RYR2: variants seen among roughly 807,000 people sequenced by gnomAD.
The protein encoded by RYR2 is ryanodine receptor 2.
Under a neutral mutation model 601.1 loss-of-function variants are expected in RYR2, and 227 were observed. The observed-to-expected ratio is 0.38, with a 90% CI of 0.34 to 0.42. The LOEUF (loss-of-function observed/expected upper bound fraction) is 0.42. RYR2 is among the 10% of genes least tolerant of loss of function. The pLI is 1.00. For synonymous variants in RYR2, 2,223 were observed against 2,175.1 expected, an observed-to-expected ratio of 1.02 and a Z score of -0.61; for missense variants, 4,646 against 6,156.5, an observed-to-expected ratio of 0.75 and a Z score of 8.21.
At chr1:237,586,497 A>C (rs958271924) in intron 29 of RYR2, among the ~76,000 whole-genome samples, 2 of 152,210 alleles carry the variant, frequency 1.3e-5, no homozygotes, top group African/African-American at 4.8e-5. Flanking sequence ...TAACTTGCCA[A>C]AGATCAAATA....
At chr1:237,799,234 G>C (rs1480093674) in intron 97 of RYR2, among the ~76,000 whole-genome samples, 1 of 152,146 alleles carries the variant, frequency 6.6e-6, no homozygotes, top group Admixed American at 6.5e-5. Flanking sequence ...CCTGTAAAAT[G>C]AAACACCGAT....
intron 29 of RYR2, among the ~76,000 whole-genome samples, chr1:237,580,061 C>T (rs954562744): frequency 2.0e-5 from 3 of 151,848 alleles, no homozygotes; most frequent in Admixed American, 6.6e-5. Context: ...AGAACTTAGG[C>T]GCTATGGGCT....
At chr1:237,532,354 A>G (rs188583701) in intron 25 of RYR2, among the ~76,000 whole-genome samples, 4 of 152,254 alleles carry the variant, frequency 2.6e-5, no homozygotes, top group South Asian at 2.1e-4. Context: ...TAAAAAGATC[A>G]TTGAGTTAAG....
intron 37 of RYR2, among the ~76,000 whole-genome samples, chr1:237,616,597 A>C (rs1021243321): frequency 6.6e-6 from 1 of 152,112 alleles, no homozygotes; most frequent in Admixed American, 6.6e-5. Flanking sequence ...AAAGAAGGGA[A>C]CTCTAGTCTC....
At chr1:237,263,702 C>G (rs1430965639) in intron 1 of RYR2, among the ~76,000 whole-genome samples, 3 of 152,072 alleles carry the variant, frequency 2.0e-5, no homozygotes, top group Admixed American at 2.0e-4. Context: ...TAAATACCAC[C>G]CCCTTGCTGG....
At chr1:237,487,876 C>T (rs1019071213) in intron 17 of RYR2, among the ~76,000 whole-genome samples, 1 of 151,672 alleles carries the variant, frequency 6.6e-6, no homozygotes, top group African/African-American at 2.4e-5. Context: ...GAATTAGAAG[C>T]TGTCAATGTT....
chr1:237,184,732 A>G (rs1268863364), intron 1 of RYR2, among the ~76,000 whole-genome samples: 1 of 152,200 alleles, frequency 6.6e-6, no homozygotes, highest in African/African-American at 2.4e-5. Flanking sequence ...ATCAGATGAT[A>G]ATGCTTATAT....
At chr1:237,247,659 A>G (rs1018666242) in intron 1 of RYR2, among the ~76,000 whole-genome samples, 30 of 152,208 alleles carry the variant, frequency 2.0e-4, no homozygotes, top group African/African-American at 7.0e-4. Context: ...CACCATGGGA[A>G]GAACACACAA....
intron 29 of RYR2, among the ~76,000 whole-genome samples, chr1:237,582,285 T>G (rs1674001784): frequency 1.3e-5 from 2 of 151,360 alleles, no homozygotes; most frequent in Non-Finnish European, 1.5e-5. Flanking sequence ...TTTTTTTGTA[T>G]TTTTAGTAGA....
At chr1:237,723,639 ATTATC>A (rs1016991043) in intron 74 of RYR2, among the ~76,000 whole-genome samples, 5 of 152,068 alleles carry the variant, frequency 3.3e-5, no homozygotes, top group African/African-American at 9.7e-5. Context: ...TGTTTGAGAT[ATTATC>A]TTTTACCGGT....
chr1:237,577,538 G>GTGTA (rs1673389978), intron 29 of RYR2, among the ~76,000 whole-genome samples: 1 of 37,028 alleles, frequency 2.7e-5, no homozygotes, highest in Non-Finnish European at 6.8e-5. Flanking sequence ...GTGTGTGTGC[G>GTGTA]TGTGTGTGTG....
chr1:237,094,221 C>T (rs999892910), intron 1 of RYR2, among the ~76,000 whole-genome samples: 2 of 152,310 alleles, frequency 1.3e-5, no homozygotes, highest in South Asian at 2.1e-4. Flanking sequence ...AGGGGAAGCT[C>T]GCTATATGTA....
chr1:237,450,231 G>A (rs988717850), intron 14 of RYR2, among the ~76,000 whole-genome samples: 1 of 152,022 alleles, frequency 6.6e-6, no homozygotes, highest in East Asian at 1.9e-4. Context: ...ATTTGAGGGG[G>A]ACCTTCTGTA....
At chr1:237,762,895 C>T (rs1228949244) in intron 84 of RYR2, among the ~76,000 whole-genome samples, 1 of 152,194 alleles carries the variant, frequency 6.6e-6, no homozygotes, top group Non-Finnish European at 1.5e-5. Flanking sequence ...CTTCCTCAGT[C>T]ATCACTCATG....
intron 14 of RYR2, among the ~76,000 whole-genome samples, chr1:237,449,756 A>C (rs889450203): frequency 7.5e-5 from 8 of 106,314 alleles, no homozygotes; most frequent in African/African-American, 2.2e-4. Flanking sequence ...CTAGATTGAC[A>C]AGTTTTTTTT....
At position 237,443,649 on chromosome 1, in the gene RYR2, A is replaced by G. The variant is rs558677620; in HGVS notation, c.1171-1752A>G. Among the ~76,000 whole-genome samples the G allele has an allele frequency of 2.6e-5, 4 of 152,256 alleles. No homozygotes were observed. The East Asian group carries it at 7.7e-4, about 29-fold the overall frequency. ...ACATGTATATTTACGGGGGAAGTTA[A>G]TTTCTCTTTATGGACATTGAATTTT... On this transcript the variant is annotated intron_variant, in intron 13 of 104. Coordinates refer to ENST00000366574, the MANE Select transcript of RYR2 (RefSeq NM_001035.3).
intron 1 of RYR2, among the ~76,000 whole-genome samples, chr1:237,203,405 G>A (rs185355231): frequency 1.3e-5 from 2 of 152,146 alleles, no homozygotes; most frequent in Non-Finnish European, 2.9e-5. Flanking sequence ...GAGGAAATGA[G>A]TATTTTCATA....
intron 60 of RYR2, 144 bp downstream of exon 60, chr1:237,674,990 A>G (rs780177016): frequency 5.1e-5 from 22 of 431,264 alleles, no homozygotes; most frequent in Non-Finnish European, 8.3e-5. Flanking sequence ...GTAGAGTTCA[A>G]CGGTCAATGG....
chr1:237,305,581 G>A lies in RYR2; in HGVS notation c.169-25297G>A, dbSNP rs138380492. On this transcript the variant is annotated intron_variant, in intron 2 of 104. Transcript: ENST00000366574. ...CAAGTATCTGAAACTACAGGCATGC[G>A]CCACCAAGCTGGGCTAATTTTTGTA... 6.6e-3 allele frequency among the ~76,000 whole-genome samples: 998 copies of A among 152,200 alleles called. 13 individuals are homozygous for A. The highest frequency in any genetic ancestry group is 0.023 in the African/African-American group (935 of 41,536).
Sources: allele counts gnomAD v4.1 joint callset (sites outside exome capture counted in the v4.1 genomes callset), GRCh38; gene constraint gnomAD v4.1.1; transcripts MANE v1.5; gene names NCBI Gene and HGNC (gene_info 2026-07-23, HGNC 2026-07-21).